Variants in HAUS1 observed in about 807,000 individuals in gnomAD.
HAUS1 encodes the protein HAUS augmin like complex subunit 1.
A neutral mutation model predicts 38.6 loss-of-function variants in HAUS1; 25 were observed. The observed-to-expected ratio is 0.65, with a 90% CI of 0.47 to 0.91. HAUS1 has a LOEUF of 0.91. Among genes scored for constraint, HAUS1 ranks in the 40% least tolerant of loss-of-function variants. The pLI is 0.00. For synonymous variants in HAUS1, 109 were observed against 112.9 expected, an observed-to-expected ratio of 0.97 and a Z score of 0.22; for missense variants, 325 against 328.4, an observed-to-expected ratio of 0.99 and a Z score of 0.08.
At chr18:46,111,021 C>T (rs1475755679) in intron 2 of HAUS1, among the ~76,000 whole-genome samples, 1 of 151,582 alleles carries the variant, frequency 6.6e-6, no homozygotes, top group Admixed American at 6.6e-5. Flanking sequence ...GGACTACAGG[C>T]ATGGGCCACC....
At chr18:46,125,596 A>T in intron 7 of HAUS1, 148 bp from the exon 8 acceptor site, 1 of 542,240 alleles carries the variant, frequency 1.8e-6, no homozygotes. Flanking sequence ...TTAAAGGTTT[A>T]AAGTCAGTGG....
At chr18:46,123,960 C>T (rs1367949154) in intron 6 of HAUS1, among the ~76,000 whole-genome samples, 1 of 152,100 alleles carries the variant, frequency 6.6e-6, no homozygotes, top group Non-Finnish European at 1.5e-5. Flanking sequence ...AAGCTGGTCT[C>T]AAACTCCTGG....
At chr18:46,115,978 T>C (rs1911786570) in intron 2 of HAUS1, among the ~76,000 whole-genome samples, 1 of 151,676 alleles carries the variant, frequency 6.6e-6, no homozygotes, top group Admixed American at 6.6e-5. Context: ...TGGTGGCACA[T>C]GCCTGTAATC....
chr18:46,105,174 G>C lies in HAUS1; in HGVS notation c.31-20G>C, dbSNP rs545079514. 35 of 1,569,394 alleles carry C rather than the reference G, an allele frequency of 2.2e-5. No homozygotes were observed. In the African/African-American group the frequency reaches 3.5e-4, roughly 16 times the overall value. On this transcript the variant is annotated intron_variant, in intron 1 of 8. Coordinates refer to ENST00000282058, the MANE Select transcript of HAUS1 (RefSeq NM_138443.4). Reference sequence around the variant, plus strand: ...ACAGTAAACAAGGCTTATAATATTTGTCTTTCTTTTAATGGTTAGGTTGCT... The same window carrying C: ...ACAGTAAACAAGGCTTATAATATTTCTCTTTCTTTTAATGGTTAGGTTGCT...
intron 5 of HAUS1, 104 bp from the exon 6 acceptor site, chr18:46,123,195 A>C (rs1911997909): frequency 1.3e-6 from 1 of 770,644 alleles, no homozygotes; most frequent in Non-Finnish European, 2.2e-6. Context: ...TGGGTGACAG[A>C]GCAAGACTCG....
chr18:46,125,383 T>A lies in HAUS1; in HGVS notation c.739-361T>A, dbSNP rs112832276. Reference sequence around the variant, plus strand: ...GACCAACATGGTGAAACCCCGTCTCTACTAAAAATACAAAAATTAGCAGGG... The same window carrying A: ...GACCAACATGGTGAAACCCCGTCTCAACTAAAAATACAAAAATTAGCAGGG... On this transcript the variant is annotated intron_variant, in intron 7 of 8. Transcript: ENST00000282058. 6.2e-3 allele frequency among the ~76,000 whole-genome samples: 945 copies of A among 152,050 alleles called. 20 individuals are homozygous for A. Among genetic ancestry groups the A allele is most frequent in the Admixed American group, 0.033 (503 of 15,248 alleles).
At chr18:46,124,970 T>C in intron 7 of HAUS1, 77 bp downstream of exon 7, 1 of 846,178 alleles carries the variant, frequency 1.2e-6, no homozygotes, top group Non-Finnish European at 2.0e-6. Context: ...ATGAAAATAG[T>C]GTGTTTAGGC....
rs142941408 is a variant in HAUS1 at position 46,111,664 on chromosome 18, G to T, written c.205+6296G>T. ...ATAGAGATAGGGTTTCACCATGTTGGCCAGGCTGGTCTTGAACCCCTGACC... is the reference window on the plus strand; with the variant it reads ...ATAGAGATAGGGTTTCACCATGTTGTCCAGGCTGGTCTTGAACCCCTGACC... On this transcript the variant is annotated intron_variant, in intron 2 of 8. Coordinates refer to ENST00000282058, the MANE Select transcript of HAUS1 (RefSeq NM_138443.4). 3.2e-3 allele frequency among the ~76,000 whole-genome samples: 485 copies of T among 151,952 alleles called. 3 individuals are homozygous for T. The highest frequency in any genetic ancestry group is 0.011 in the African/African-American group (464 of 41,464).
chr18:46,115,582 C>T (rs1911777689), intron 2 of HAUS1, among the ~76,000 whole-genome samples: 1 of 150,480 alleles, frequency 6.6e-6, no homozygotes, highest in East Asian at 2.0e-4. Flanking sequence ...GAGCCAATAT[C>T]GTGCCACTGC....
chr18:46,123,781 G>C (rs1912017351), intron 6 of HAUS1, among the ~76,000 whole-genome samples: 1 of 152,222 alleles, frequency 6.6e-6, no homozygotes, highest in South Asian at 2.1e-4. Flanking sequence ...GGTGGGAAGA[G>C]AGAAATAGAG....
chr18:46,122,319 AC>A, intron 4 of HAUS1, 147 bp from the exon 5 acceptor site: 1 of 676,394 alleles, frequency 1.5e-6, no homozygotes, highest in Non-Finnish European at 2.5e-6. Context: ...AAAAAAAAAA[AC>A]CCAGAGTGCA....
chr18:46,120,852 C>A (rs1911919116), intron 4 of HAUS1, among the ~76,000 whole-genome samples: 1 of 152,122 alleles, frequency 6.6e-6, no homozygotes, highest in South Asian at 2.1e-4. Context: ...TCCCAAAATG[C>A]TAGGATTACA....
intron 2 of HAUS1, among the ~76,000 whole-genome samples, chr18:46,112,986 A>AATATATATATTCAATATATATATGGAAT (rs59054651): frequency 2.4e-5 from 2 of 84,416 alleles, no homozygotes; most frequent in Non-Finnish European, 4.4e-5. Flanking sequence ...TTATATATAT[A>AATATATATATTCAATATATATATGGAAT]ATATATATTC....
intron 2 of HAUS1, chr18:46,115,355 G>T (rs1425565464): frequency 1.3e-5 from 2 of 152,012 alleles, no homozygotes; most frequent in Admixed American, 1.3e-4. Context: ...GCTACTAGAG[G>T]GGCTGAGGCA....
intron 8 of HAUS1, among the ~76,000 whole-genome samples, chr18:46,127,144 A>T (rs971583439): frequency 6.7e-6 from 1 of 148,994 alleles, no homozygotes; most frequent in East Asian, 2.0e-4. Context: ...AAATTTTTGT[A>T]TTTTTTTAGT....
intron 6 of HAUS1, among the ~76,000 whole-genome samples, chr18:46,124,021 G>A (rs960888810): frequency 6.6e-6 from 1 of 152,210 alleles, no homozygotes; most frequent in African/African-American, 2.4e-5. Flanking sequence ...GGTTAGAAGT[G>A]TAAGCCACCA....
chr18:46,113,617 A>T (rs982690717), intron 2 of HAUS1, among the ~76,000 whole-genome samples: 3 of 152,086 alleles, frequency 2.0e-5, no homozygotes, highest in African/African-American at 7.2e-5. Context: ...TATTATGGAT[A>T]TTTGAAGTTT....
intron 2 of HAUS1, among the ~76,000 whole-genome samples, chr18:46,112,878 T>C (rs1166397131): frequency 9.3e-6 from 1 of 107,916 alleles, no homozygotes; most frequent in Non-Finnish European, 1.7e-5. Context: ...ATAATATATA[T>C]AATGTGTATA....
At chr18:46,114,365 C>A (rs982967055) in intron 2 of HAUS1, among the ~76,000 whole-genome samples, 2 of 152,144 alleles carry the variant, frequency 1.3e-5, no homozygotes, top group African/African-American at 4.8e-5. Flanking sequence ...ATCTCTGAAC[C>A]CAGCCTCTGG....
Sources: gnomAD v4.1 joint callset for allele counts (sites outside exome capture counted in the v4.1 genomes callset) on GRCh38, gnomAD v4.1.1 for gene constraint, MANE v1.5 for transcripts, NCBI Gene and HGNC (gene_info 2026-07-23, HGNC 2026-07-21) for gene names.